The following AHDC1 variants were observed in gnomAD, a reference collection of about 807,000 sequenced individuals.
AHDC1 encodes transcription factor Gibbin.
Under a neutral mutation model 87.9 loss-of-function variants are expected in AHDC1, and 7 were observed. The observed-to-expected ratio is 0.08, with a 90% CI of 0.05 to 0.15. AHDC1 has a LOEUF of 0.15. AHDC1 is among the 10% of genes least tolerant of loss of function. The pLI, the probability that AHDC1 is intolerant of heterozygous loss-of-function variation, is 1.00. For missense variants in AHDC1, 1,841 were observed against 2,253.2 expected, an observed-to-expected ratio of 0.82 and a Z score of 3.70; for synonymous variants, 1,051 against 1,006.8, an observed-to-expected ratio of 1.04 and a Z score of -0.83.
rs769762214 is a variant in AHDC1 at position 27,549,217 on chromosome 1, A to G, written c.2899T>C (p.Tyr967His). The G allele has an allele frequency of 1.2e-6, 2 of 1,602,490 alleles. No homozygotes were observed. The highest frequency in any genetic ancestry group is 1.7e-6 in the Non-Finnish European group (2 of 1,174,182). ...SPTTHPPANT[Y>H]LPQYGGYGAG... is the part of the protein sequence containing the mutation. ...CCATAGCCGCCGTACTGGGGCAGGT[A>G]GGTGTTGGCAGGCGGGTGGGTGGTA... The change falls in exon 8 of 9, where the codon TAC becomes CAC. Residue 967 changes from tyrosine (Y) to histidine (H), a missense_variant. Physicochemically the swap from Tyr to His is moderately conservative, Grantham distance 83 (BLOSUM62 2). This residue lies in a region of AHDC1 where 378 missense variants were observed against 399.0 expected (regional missense o/e 0.95). Coordinates refer to ENST00000673934, the MANE Select transcript of AHDC1 (RefSeq NM_001371928.1).
At chr1:27,581,469 TG>T (rs1315255431) in intron 3 of AHDC1, among the ~76,000 whole-genome samples, 1 of 147,364 alleles carries the variant, frequency 6.8e-6, no homozygotes, top group Non-Finnish European at 1.5e-5. Context: ...TCAATCCAAA[TG>T]GGAAAATAGA....
upstream of AHDC1, chr1:27,604,193 A>C (rs2089621697): frequency 6.6e-6 from 1 of 150,404 alleles, no homozygotes; most frequent in Non-Finnish European, 1.5e-5. Flanking sequence ...CCCAGGGGGG[A>C]GCGCGCGCGC....
At chr1:27,591,974 C>T (rs756342523) in intron 3 of AHDC1, among the ~76,000 whole-genome samples, 2 of 152,186 alleles carry the variant, frequency 1.3e-5, no homozygotes, top group Admixed American at 6.5e-5. Flanking sequence ...GAGGGATCCC[C>T]GACCTGGCTG....
chr1:27,601,748 CACTT>C (rs1557715826), intron 3 of AHDC1, among the ~76,000 whole-genome samples: 1 of 152,330 alleles, frequency 6.6e-6, no homozygotes, highest in East Asian at 1.9e-4. Context: ...GGTAATCTTT[CACTT>C]ACAGCCCCAG....
Position 27,550,171 on chromosome 1 carries a change from C to T in AHDC1, c.1945G>A (p.Ala649Thr). The T allele has an allele frequency of 6.2e-7, 1 of 1,611,702 alleles. No individual in the cohort carries two copies. Among genetic ancestry groups the T allele is most frequent in the Non-Finnish European group, 8.5e-7 (1 of 1,179,844 alleles). Residue 649 changes from alanine to threonine, a missense_variant, in exon 8 of 9, where the codon GCC (alanine) becomes ACC (threonine). Ala to Thr is a moderately conservative substitution (Grantham distance 58). This residue lies in a region of AHDC1 where 236 missense variants were observed against 257.9 expected (regional missense o/e 0.92). Coordinates refer to ENST00000673934, the MANE Select transcript of AHDC1 (RefSeq NM_001371928.1). ...TPSEPESVHQ[A>T]PDTQSISHFL... Reference sequence around the variant, plus strand: ...TGGGAGATGCTCTGGGTGTCGGGGGCCTGGTGCACCGACTCCGGCTCACTG... The same window carrying T: ...TGGGAGATGCTCTGGGTGTCGGGGGTCTGGTGCACCGACTCCGGCTCACTG...
At chr1:27,538,114 G>A (rs1252095132) in intron 8 of AHDC1, among the ~76,000 whole-genome samples, 13 of 152,152 alleles carry the variant, frequency 8.5e-5, no homozygotes, top group African/African-American at 3.1e-4. Flanking sequence ...AAAAAAGAGT[G>A]CATGAGGCCG....
Position 27,550,656 on chromosome 1 carries a change from C to T in AHDC1, c.1460G>A (p.Arg487Gln). The part of the protein sequence containing the change: ...KMAKIPVSLG[R>Q]RNKTTYKVSS... ...CACTTTGTATGTGGTCTTGTTCCGC[C>T]GCCCCAGCGATACGGGGATCTTGGC... The change falls in exon 8 of 9, where the codon CGG (arginine) becomes CAG (glutamine). Residue 487 changes from arginine (R) to glutamine (Q), a missense_variant. Coordinates refer to ENST00000673934, the MANE Select transcript of AHDC1 (RefSeq NM_001371928.1). The T allele has an allele frequency of 1.2e-6, 2 of 1,613,448 alleles. No individual in the cohort carries two copies. Among genetic ancestry groups the T allele is most frequent in the Non-Finnish European group, 1.7e-6 (2 of 1,179,958 alleles).
At chr1:27,545,986 G>A (rs1177997554) in intron 8 of AHDC1, among the ~76,000 whole-genome samples, 4 of 152,290 alleles carry the variant, frequency 2.6e-5, no homozygotes, top group African/African-American at 9.6e-5. Flanking sequence ...GGGTCTGGCA[G>A]AGAGGGGGCA....
chr1:27,599,134 C>T (rs2089459436), intron 3 of AHDC1, among the ~76,000 whole-genome samples: 1 of 152,182 alleles, frequency 6.6e-6, no homozygotes, highest in Admixed American at 6.5e-5. Context: ...CCTGACCTAC[C>T]ATGGGTAAAG....
At chr1:27,581,868 G>A (rs72886318) in intron 3 of AHDC1, among the ~76,000 whole-genome samples, 10,433 of 152,188 alleles carry the variant, frequency 0.069, 882 homozygotes, top group African/African-American at 0.2. Flanking sequence ...TCTGGTCAGC[G>A]GGGCTGACTT....
At chr1:27,539,063 C>T (rs975468533) in intron 8 of AHDC1, among the ~76,000 whole-genome samples, 4 of 151,908 alleles carry the variant, frequency 2.6e-5, no homozygotes, top group South Asian at 2.1e-4. Flanking sequence ...ACTGAATTAT[C>T]GATGAGGCTC....
At chr1:27,602,236 C>T (rs953685585) in intron 3 of AHDC1, among the ~76,000 whole-genome samples, 1 of 152,096 alleles carries the variant, frequency 6.6e-6, no homozygotes, top group Non-Finnish European at 1.5e-5. Flanking sequence ...CCCTGGCCCC[C>T]AGGGTCTGCG....
chr1:27,597,646 C>A (rs770236151), intron 3 of AHDC1, among the ~76,000 whole-genome samples: 1 of 151,704 alleles, frequency 6.6e-6, no homozygotes, highest in Non-Finnish European at 1.5e-5. Flanking sequence ...GAAACTGAGC[C>A]GGGGGTGGAA....
At chr1:27,541,085 G>C (rs1022555959) in intron 8 of AHDC1, among the ~76,000 whole-genome samples, 4 of 151,776 alleles carry the variant, frequency 2.6e-5, no homozygotes, top group Non-Finnish European at 5.9e-5. Context: ...TGGGGGGCTG[G>C]GGGTGGGGTG....
intron 5 of AHDC1, among the ~76,000 whole-genome samples, chr1:27,556,203 ACCCCACCCCTT>A (rs757560404): frequency 2.2e-3 from 120 of 54,000 alleles, no homozygotes; most frequent in Non-Finnish European, 3.7e-3. Flanking sequence ...GGCTGTGACC[ACCCCACCCCTT>A]CCCCAGCCCT....
chr1:27,552,873 G>A lies in AHDC1; in HGVS notation c.-75+19C>T, dbSNP rs954207836. On this transcript the variant is annotated intron_variant, in intron 7 of 8. Coordinates refer to ENST00000673934, the MANE Select transcript of AHDC1 (RefSeq NM_001371928.1). Reference sequence around the variant, plus strand: ...CCTTCTTACCCCGAAAGGGCTCCAGGAGAACCCCCACCACTCACCCTCGGC... The same window carrying A: ...CCTTCTTACCCCGAAAGGGCTCCAGAAGAACCCCCACCACTCACCCTCGGC... 5 of 152,722 alleles carry A rather than the reference G, an allele frequency of 3.3e-5. No homozygotes were observed. Among genetic ancestry groups the A allele is most frequent in the Non-Finnish European group, 7.3e-5 (5 of 68,094 alleles). The allele number at this position is 152,722 out of a possible 1,614,324, so 9.5% of individuals were successfully genotyped here.
intron 3 of AHDC1, among the ~76,000 whole-genome samples, chr1:27,582,058 A>G (rs904084525): frequency 6.6e-6 from 1 of 152,234 alleles, no homozygotes; most frequent in African/African-American, 2.4e-5. Flanking sequence ...CCAGACCAGC[A>G]GAAGCTGGCC....
Position 27,598,036 on chromosome 1 carries a change from G to C in AHDC1, c.-629+5361C>G, listed in dbSNP as rs926542300. Among the ~76,000 whole-genome samples the C allele has an allele frequency of 4.6e-5, 7 of 152,174 alleles. No individual in the cohort carries two copies. The highest frequency in any genetic ancestry group is 5.9e-5 in the Non-Finnish European group (4 of 68,044). On this transcript the variant is annotated intron_variant, in intron 3 of 8. Transcript: ENST00000673934. This position sits in a 1 kb window ranked among gnomAD's most constrained non-coding sequence, Gnocchi z 4.2. ...CATCTGTTTCACCACCCATCTGTCT[G>C]GCTGTCTGTGTTAGTCCTTCCAAGG... is the stretch of plus-strand genomic sequence containing the variant.
chr1:27,572,080 CAG>C (rs1327280415), intron 3 of AHDC1, among the ~76,000 whole-genome samples: 1 of 150,486 alleles, frequency 6.6e-6, no homozygotes, highest in Admixed American at 6.6e-5. Flanking sequence ...CAAGGCCTGA[CAG>C]GGGTGGGGGA....
Sources: gnomAD v4.1 joint callset for allele counts (sites outside exome capture counted in the v4.1 genomes callset) on GRCh38, gnomAD v4.1.1 for gene constraint, gnomAD v4.1.1 regional missense constraint, Gnocchi (gnomAD v3.1) non-coding constraint, MANE v1.5 for transcripts, NCBI Gene and HGNC (gene_info 2026-07-23, HGNC 2026-07-21) for gene names.